ATG7: variants seen among roughly 807,000 people sequenced by gnomAD.
ATG7 encodes the protein autophagy related 7.
In ATG7, 70 loss-of-function variants were observed where a neutral mutation model predicts 82.4. The ratio of observed to expected loss-of-function variants is 0.85; its 90% CI spans 0.70 to 1.04. The LOEUF (loss-of-function observed/expected upper bound fraction) is 1.04, where lower values mean the gene tolerates loss of function less well. Ranked by LOEUF, ATG7 falls within the 50% of genes least tolerant of loss-of-function variation. ATG7 has a pLI of 0.00. For synonymous variants in ATG7, 287 were observed against 313.0 expected, an observed-to-expected ratio of 0.92 and a Z score of 0.88; for missense variants, 792 against 864.3, an observed-to-expected ratio of 0.92 and a Z score of 1.05.
chr3:11,376,873 G>C (rs2077455084), intron 18 of ATG7, among the ~76,000 whole-genome samples: 1 of 152,120 alleles, frequency 6.6e-6, no homozygotes, highest in African/African-American at 2.4e-5. Flanking sequence ...CGAGTAGCTG[G>C]GACTACAGGT....
At chr3:11,455,080 A>C (rs2085572858) in intron 20 of ATG7, among the ~76,000 whole-genome samples, 1 of 152,260 alleles carries the variant, frequency 6.6e-6, no homozygotes, top group African/African-American at 2.4e-5. Flanking sequence ...GAAGGAGTTT[A>C]ACAACAATTA....
the ATG7 span, among the ~76,000 whole-genome samples, chr3:11,575,527 G>A: frequency 1.3e-5 from 2 of 152,270 alleles, no homozygotes; most frequent in African/African-American, 4.8e-5. Context: ...GGGCACAATC[G>A]GTCCTCAGAT....
intron 20 of ATG7, among the ~76,000 whole-genome samples, chr3:11,476,055 C>G (rs2088175451): frequency 6.6e-6 from 1 of 152,226 alleles, no homozygotes; most frequent in Non-Finnish European, 1.5e-5. Context: ...AAGGCATCAT[C>G]ACAGCTTCCC....
chr3:11,407,500 C>A (rs1047967123), intron 19 of ATG7, among the ~76,000 whole-genome samples: 8 of 152,208 alleles, frequency 5.3e-5, no homozygotes, highest in African/African-American at 1.7e-4. Flanking sequence ...GGCAGTGCCC[C>A]AGTAGGAACT....
chr3:11,533,494 C>G (rs1460258881), intron 20 of ATG7, among the ~76,000 whole-genome samples: 1 of 146,770 alleles, frequency 6.8e-6, no homozygotes, highest in African/African-American at 2.5e-5. Context: ...TTTGATTTGT[C>G]TTCTCCAGGT....
intron 1 of ATG7, among the ~76,000 whole-genome samples, chr3:11,277,891 A>AGCCCCCC (rs1942170487): frequency 1.6e-5 from 1 of 60,770 alleles, no homozygotes; most frequent in Non-Finnish European, 2.9e-5. Context: ...CCCTTTATAG[A>AGCCCCCC]CCCCCCCCCC....
intron 20 of ATG7, among the ~76,000 whole-genome samples, chr3:11,493,930 A>G (rs1252741596): frequency 6.6e-6 from 1 of 152,240 alleles, no homozygotes; most frequent in East Asian, 1.9e-4. Flanking sequence ...ATTGAGAACC[A>G]TGACTGGAAA....
At chr3:11,361,117 T>C (rs1217074500) in intron 16 of ATG7, among the ~76,000 whole-genome samples, 1 of 152,160 alleles carries the variant, frequency 6.6e-6, no homozygotes, top group East Asian at 1.9e-4. Flanking sequence ...ATCAGGAGTC[T>C]AAAGACCAGA....
intron 19 of ATG7, among the ~76,000 whole-genome samples, chr3:11,407,797 G>T (rs968502013): frequency 6.6e-6 from 1 of 152,196 alleles, no homozygotes. Flanking sequence ...GGGATGCAGG[G>T]CACCAAGTCC....
intron 13 of ATG7, among the ~76,000 whole-genome samples, chr3:11,346,334 C>A (rs1954545497): frequency 6.6e-6 from 1 of 152,174 alleles, no homozygotes; most frequent in African/African-American, 2.4e-5. Flanking sequence ...GTCAGTATGT[C>A]AGATTATTTC....
At chr3:11,503,815 TAA>T (rs941651783) in intron 20 of ATG7, among the ~76,000 whole-genome samples, 42 of 136,758 alleles carry the variant, frequency 3.1e-4, no homozygotes, top group Non-Finnish European at 6.4e-4. Flanking sequence ...ATTAAATATA[TAA>T]GTTTAAAATT....
At chr3:11,452,850 G>A (rs1314900927) in intron 20 of ATG7, among the ~76,000 whole-genome samples, 1 of 152,116 alleles carries the variant, frequency 6.6e-6, no homozygotes, top group Non-Finnish European at 1.5e-5. Context: ...TAAACACAAA[G>A]TAACACCTCC....
chr3:11,295,449 A>C (rs1385448495), intron 3 of ATG7, among the ~76,000 whole-genome samples: 1 of 152,202 alleles, frequency 6.6e-6, no homozygotes, highest in African/African-American at 2.4e-5. Context: ...ACCACCCATT[A>C]GGAATCCAGT....
intron 9 of ATG7, among the ~76,000 whole-genome samples, chr3:11,328,706 C>A (rs866891338): frequency 2.2e-4 from 34 of 152,296 alleles, no homozygotes; most frequent in African/African-American, 7.7e-4. Context: ...TACATCAATA[C>A]AATGGAATGC....
intron 3 of ATG7, among the ~76,000 whole-genome samples, chr3:11,283,804 T>C (rs1943479548): frequency 1.3e-5 from 2 of 152,036 alleles, no homozygotes; most frequent in South Asian, 4.1e-4. Context: ...TGGTGGCGCA[T>C]GCCTGTAATC....
At chr3:11,458,305 C>T (rs1179757214) in intron 20 of ATG7, among the ~76,000 whole-genome samples, 1 of 151,826 alleles carries the variant, frequency 6.6e-6, no homozygotes, top group Non-Finnish European at 1.5e-5. Flanking sequence ...GCTGTGTTGC[C>T]CAGGATGGAG....
intron 1 of ATG7, among the ~76,000 whole-genome samples, chr3:11,277,893 C>CT (rs1215175411): frequency 4.9e-5 from 4 of 82,318 alleles, no homozygotes; most frequent in Admixed American, 1.1e-4. Context: ...CTTTATAGAC[C>CT]CCCCCCCCCC....
intron 18 of ATG7, among the ~76,000 whole-genome samples, chr3:11,374,525 G>T (rs1189019173): frequency 3.3e-5 from 5 of 152,196 alleles, no homozygotes; most frequent in South Asian, 2.1e-4. Context: ...TTAGACAATG[G>T]TTTCTTATGT....
chr3:11,395,833 G>A (rs1045858954), intron 19 of ATG7, among the ~76,000 whole-genome samples: 4 of 151,548 alleles, frequency 2.6e-5, no homozygotes, highest in African/African-American at 4.8e-5. Flanking sequence ...CCAGCTACTC[G>A]GGAGGCTGAG....
Sources: gnomAD v4.1 joint callset for allele counts (sites outside exome capture counted in the v4.1 genomes callset) on GRCh38, gnomAD v4.1.1 for gene constraint, MANE v1.5 for transcripts, NCBI Gene and HGNC (gene_info 2026-07-23, HGNC 2026-07-21) for gene names.